The following ROBO1 variants were observed in gnomAD, a reference collection of about 807,000 sequenced individuals.
ROBO1 encodes the protein roundabout homolog 1.
ROBO1 carries 149 observed loss-of-function variants against 195.9 expected under a neutral mutation model. The ratio of observed to expected loss-of-function variants is 0.76; its 90% CI spans 0.67 to 0.87. The LOEUF is 0.87. Among genes scored for constraint, ROBO1 ranks in the 40% least tolerant of loss-of-function variants. The pLI is 0.00. For missense variants in ROBO1, 1,933 were observed against 2,068.3 expected (o/e 0.93, Z 1.27); for synonymous variants, 816 against 733.2 (o/e 1.11, Z -1.82).
intron 3 of ROBO1, among the ~76,000 whole-genome samples, chr3:79,005,594 T>C (rs913242371): frequency 7.9e-5 from 12 of 152,216 alleles, no homozygotes; most frequent in Non-Finnish European, 1.8e-4. Context: ...CACCTGAGCA[T>C]ATTATACCAT....
At chr3:78,964,798 A>AG (rs199919933) in intron 3 of ROBO1, among the ~76,000 whole-genome samples, 1 of 147,446 alleles carries the variant, frequency 6.8e-6, no homozygotes, top group African/African-American at 2.5e-5. Context: ...AAGCAAGCTT[A>AG]GGGTTTTTTT....
intron 2 of ROBO1, among the ~76,000 whole-genome samples, chr3:79,470,232 A>G (rs1036657142): frequency 1.3e-5 from 2 of 152,170 alleles, no homozygotes; most frequent in African/African-American, 4.8e-5. Context: ...ATGCAGCCAT[A>G]AAAAATGATG....
intron 1 of ROBO1, among the ~76,000 whole-genome samples, chr3:79,676,364 C>T (rs761847609): frequency 4.6e-5 from 7 of 152,022 alleles, no homozygotes; most frequent in African/African-American, 1.2e-4. Flanking sequence ...TCACAGTCTT[C>T]GTGGGTCAGG....
chr3:78,961,457 A>AT (rs1206257615), intron 3 of ROBO1, among the ~76,000 whole-genome samples: 1 of 152,210 alleles, frequency 6.6e-6, no homozygotes, highest in African/African-American at 2.4e-5. Flanking sequence ...CACAGGTAAG[A>AT]TTTTTTTTAA....
At chr3:79,060,875 A>T (rs2078903579) in intron 3 of ROBO1, among the ~76,000 whole-genome samples, 1 of 152,192 alleles carries the variant, frequency 6.6e-6, no homozygotes, top group African/African-American at 2.4e-5. Context: ...TATTTATGAC[A>T]TACCCACAGC....
chr3:79,749,636 C>G (rs761178166), intron 1 of ROBO1, among the ~76,000 whole-genome samples: 4 of 152,172 alleles, frequency 2.6e-5, no homozygotes, highest in Non-Finnish European at 5.9e-5. Flanking sequence ...TCCAGCAACT[C>G]CAGCCATGGC....
intron 5 of ROBO1, among the ~76,000 whole-genome samples, chr3:78,738,022 G>C (rs556361772): frequency 6.2e-4 from 94 of 152,232 alleles, no homozygotes; most frequent in African/African-American, 2.1e-3. Context: ...CTAGGGGAGA[G>C]GAGGGGAAGA....
At chr3:78,859,847 A>G (rs552076387) in intron 4 of ROBO1, among the ~76,000 whole-genome samples, 446 of 152,168 alleles carry the variant, frequency 2.9e-3, no homozygotes, top group South Asian at 6.6e-3. Context: ...TTGGGAGGCC[A>G]AGGCGGGTGG....
intron 2 of ROBO1, among the ~76,000 whole-genome samples, chr3:79,209,510 T>C (rs1472650538): frequency 6.6e-6 from 1 of 152,124 alleles, no homozygotes; most frequent in Non-Finnish European, 1.5e-5. Flanking sequence ...TTCCTTTGGG[T>C]AGCTACCCAG....
Position 78,607,012 on chromosome 3 carries a change from C to T in ROBO1, c.4465G>A (p.Ala1489Thr), listed in dbSNP as rs1324163287. Reference sequence around the variant, plus strand: ...GATTGGGCAGTAGGTGACTTTATAGCAGGTGGCGGCACAGGAGGTGGTGGA... The same window carrying T: ...GATTGGGCAGTAGGTGACTTTATAGTAGGTGGCGGCACAGGAGGTGGTGGA... The part of the protein sequence containing the change: ...DLPPPPVPPP[A>T]IKSPTAQSKT... The change falls in exon 29 of 31, where the codon GCT (alanine) becomes ACT (threonine). Residue 1489 changes from alanine (A) to threonine (T), a missense_variant. Ala to Thr is a moderately conservative substitution (Grantham distance 58). Coordinates refer to ENST00000464233, the MANE Select transcript of ROBO1 (RefSeq NM_002941.4). 6.2e-7 allele frequency: 1 copy of T among 1,612,188 alleles called. No homozygotes were observed. Among genetic ancestry groups the T allele is most frequent in the African/African-American group, 1.3e-5 (1 of 74,964 alleles).
intron 4 of ROBO1, among the ~76,000 whole-genome samples, chr3:78,913,144 T>A (rs2038349311): frequency 6.6e-6 from 1 of 152,192 alleles, no homozygotes; most frequent in African/African-American, 2.4e-5. Context: ...TAAATAAATG[T>A]GCATTTCTAC....
intron 2 of ROBO1, among the ~76,000 whole-genome samples, chr3:79,274,289 A>T (rs1345406078): frequency 6.6e-6 from 1 of 151,978 alleles, no homozygotes; most frequent in African/African-American, 2.4e-5. Flanking sequence ...AATTGAAGCT[A>T]TGTCAAATAT....
chr3:79,628,995 T>C (rs139844927), intron 1 of ROBO1, among the ~76,000 whole-genome samples: 2 of 152,128 alleles, frequency 1.3e-5, no homozygotes, highest in Non-Finnish European at 2.9e-5. Flanking sequence ...CACAGATTCA[T>C]AAGGCAAATG....
At position 78,668,471 on chromosome 3, in the gene ROBO1, C is replaced by G; in HGVS notation, c.1630+13G>C. On this transcript the variant is annotated intron_variant, in intron 12 of 30. Coordinates refer to ENST00000464233, the MANE Select transcript of ROBO1 (RefSeq NM_002941.4). ...TAAGCTTCACTTTAAGGGAAACACA[C>G]CATTTACTTTACCTTGAACTTCAAT... is the stretch of plus-strand genomic sequence containing the variant. 8.1e-6 allele frequency: 13 copies of G among 1,613,284 alleles called. No homozygotes were observed. Among genetic ancestry groups the G allele is most frequent in the Non-Finnish European group, 1.1e-5 (13 of 1,179,318 alleles).
chr3:79,038,255 A>G (rs1443246787), intron 3 of ROBO1, among the ~76,000 whole-genome samples: 1 of 152,222 alleles, frequency 6.6e-6, no homozygotes, highest in Non-Finnish European at 1.5e-5. Flanking sequence ...AGGAAGACTC[A>G]TACTGACTGA....
intron 2 of ROBO1, among the ~76,000 whole-genome samples, chr3:79,357,385 A>C (rs2035599721): frequency 6.6e-6 from 1 of 152,186 alleles, no homozygotes; most frequent in African/African-American, 2.4e-5. Flanking sequence ...TATGCGTTTC[A>C]TGTCAGAGAG....
At chr3:79,233,915 A>T (rs1277250337) in intron 2 of ROBO1, among the ~76,000 whole-genome samples, 1 of 151,828 alleles carries the variant, frequency 6.6e-6, no homozygotes, top group Non-Finnish European at 1.5e-5. Context: ...TGCCATTTTG[A>T]TTTGAATTTC....
chr3:79,299,894 GA>G (rs1435325222), intron 2 of ROBO1, among the ~76,000 whole-genome samples: 1 of 148,776 alleles, frequency 6.7e-6, no homozygotes, highest in Non-Finnish European at 1.5e-5. Context: ...TTCTCTTAAA[GA>G]TATTCAAACT....
intron 2 of ROBO1, among the ~76,000 whole-genome samples, chr3:79,150,769 T>C (rs1032318843): frequency 6.6e-6 from 1 of 151,818 alleles, no homozygotes; most frequent in East Asian, 1.9e-4. Flanking sequence ...TGTCTCAAGT[T>C]TACATGTCCA....
Sources: gnomAD v4.1 joint callset for allele counts (sites outside exome capture counted in the v4.1 genomes callset) on GRCh38, gnomAD v4.1.1 for gene constraint, MANE v1.5 for transcripts, NCBI Gene and HGNC (gene_info 2026-07-23, HGNC 2026-07-21) for gene names.